The following ATP8B3 variants were observed in gnomAD, a reference collection of about 807,000 sequenced individuals.
ATP8B3 encodes the protein ATPase phospholipid transporting 8B3, also known as phospholipid-transporting ATPase IK.
A neutral mutation model predicts 140.9 loss-of-function variants in ATP8B3; 141 were observed. The observed-to-expected ratio is 1.00, with a 90% confidence interval of 0.87 to 1.15. The LOEUF (loss-of-function observed/expected upper bound fraction) is 1.15. Among genes scored for constraint, ATP8B3 ranks in the 50% most tolerant of loss-of-function variants. ATP8B3 has a pLI of 0.00. For synonymous variants in ATP8B3, 765 were observed against 714.6 expected (o/e 1.07, Z -1.13); for missense variants, 1,874 against 1,740.6 (o/e 1.08, Z -1.36).
chr19:1,810,588 C>T (rs1368965045), intron 3 of ATP8B3, 34 bp downstream of exon 3: 2 of 1,603,566 alleles, frequency 1.2e-6, no homozygotes, highest in Non-Finnish European at 1.7e-6. Context: ...TAATCCCTCC[C>T]ACCTGCACCG....
chr19:1,788,861 G>A lies in ATP8B3; in HGVS notation c.3069+36C>T, dbSNP rs2068387677. On this transcript the variant is annotated intron_variant, in intron 24 of 28. Coordinates refer to ENST00000310127, the MANE Select transcript of ATP8B3 (RefSeq NM_138813.4). ...TGGGAGGGGCAGGGCATCCCCAGAG[G>A]CCCTGGTCATGGGGCAGCCAGGGTG... 3 of 1,531,114 alleles carry A rather than the reference G, an allele frequency of 2.0e-6. No homozygotes were observed. The African/African-American group carries it at 4.1e-5, about 21-fold the overall frequency. The allele number at this position is 1,531,114 out of a possible 1,614,324, so 94.8% of individuals were successfully genotyped here. A position where few individuals can be genotyped will look rare whatever the true frequency, so the allele number is the denominator to read the frequency against.
chr19:1,807,060 T>C lies in ATP8B3; in HGVS notation c.615+108A>G, dbSNP rs2069046492. On this transcript the variant is annotated intron_variant, in intron 6 of 28. Coordinates refer to ENST00000310127, the MANE Select transcript of ATP8B3 (RefSeq NM_138813.4). The surrounding 1 kb of genome is among the most constrained non-coding windows in gnomAD (Gnocchi z 5.9). ...TGAGGCTCCCAGGCCCACGTTCCCC[T>C]AATGCTCCAGGAAGCCCAGCCCTCC... 2 of 1,019,228 alleles carry C rather than the reference T, an allele frequency of 2.0e-6. No individual in the cohort carries two copies. The highest frequency in any genetic ancestry group is 1.5e-6 in the Non-Finnish European group (1 of 663,524). 63.1% of individuals were successfully genotyped at this position (1,019,228 alleles called of 1,614,324 possible).
Position 1,782,225 on chromosome 19 carries a change from G to T in ATP8B3, c.*803C>A. 1 of 302,206 alleles carries T rather than the reference G, an allele frequency of 3.3e-6. No homozygotes were observed. The allele number at this position is 302,206 out of a possible 1,614,324, so 18.7% of individuals were successfully genotyped here. A position where few individuals can be genotyped will look rare whatever the true frequency, so the allele number is the denominator to read the frequency against. On this transcript the variant is annotated 3_prime_UTR_variant, in exon 29 of 29. Transcript: ENST00000310127. ...CCCAGGAAGGACATCTTCCTGATAT[G>T]CCAGCGTGACTCCTTTGGGCTCGAA... is the stretch of plus-strand genomic sequence containing the variant.
intron 21 of ATP8B3, 93 bp from the exon 22 acceptor site, chr19:1,790,082 C>T: frequency 3.5e-6 from 3 of 861,930 alleles, no homozygotes; most frequent in Non-Finnish European, 5.6e-6. Context: ...CCTTCCACTG[C>T]CCACTCCCCC....
At chr19:1,784,681 C>G in intron 28 of ATP8B3, 138 bp downstream of exon 28, 1 of 1,246,136 alleles carries the variant, frequency 8.0e-7, no homozygotes. Context: ...GGGCTCCGCA[C>G]CCACCCTTCC....
chr19:1,801,980 G>T lies in ATP8B3; in HGVS notation c.1128C>A (p.Leu376=), dbSNP rs1426723166. 1 of 1,612,670 alleles carries T rather than the reference G, an allele frequency of 6.2e-7. No individual in the cohort carries two copies. The highest frequency in any genetic ancestry group is 1.7e-5 in the Admixed American group (1 of 59,968). The change falls in exon 12 of 29, where the codon CTC becomes CTA. Residue 376 remains leucine (L), a synonymous_variant. Transcript: ENST00000310127. ...KIHLKRTKLD[L]LMNKLVVVIF... ...CCACAACCACCAGCTTGTTCATCAG[G>T]AGGTCCAGCTTGGTTCTCTTCAAAT...
chr19:1,796,376 G>C, intron 16 of ATP8B3, 111 bp from the exon 17 acceptor site: 1 of 1,085,108 alleles, frequency 9.2e-7, no homozygotes, highest in Non-Finnish European at 1.3e-6. Context: ...GATGGTGGCC[G>C]GGGACCCCCG....
Position 1,790,008 on chromosome 19 carries a change from A to C in ATP8B3, c.2379-19T>G. 6.9e-7 allele frequency: 1 copy of C among 1,458,142 alleles called. No individual in the cohort carries two copies. The highest frequency in any genetic ancestry group is 9.6e-7 in the Non-Finnish European group (1 of 1,040,632). 90.3% of individuals were successfully genotyped at this position (1,458,142 alleles called of 1,614,324 possible). ...GATGCGGCTGCGGGGCGCAGGGGTCAGCGGGGCAGGGGAGGGGGCGGGCTT... is the reference window on the plus strand; with the variant it reads ...GATGCGGCTGCGGGGCGCAGGGGTCCGCGGGGCAGGGGAGGGGGCGGGCTT... On this transcript the variant is annotated intron_variant, in intron 21 of 28. Coordinates refer to ENST00000310127, the MANE Select transcript of ATP8B3 (RefSeq NM_138813.4).
intron 3 of ATP8B3, among the ~76,000 whole-genome samples, chr19:1,810,216 G>T (rs977869787): frequency 6.6e-6 from 1 of 152,234 alleles, no homozygotes; most frequent in Non-Finnish European, 1.5e-5. Flanking sequence ...AAGGCCTGAC[G>T]TGCAGGTCTG....
intron 1 of ATP8B3, 131 bp downstream of exon 1, chr19:1,812,055 C>G (rs2069204845): frequency 3.4e-6 from 1 of 292,636 alleles, no homozygotes; most frequent in Non-Finnish European, 6.3e-6. Context: ...CCCGGGGCCC[C>G]GACCGCGCGA....
chr19:1,789,191 CTGTTCTGCCCCCTATCAGCCCCCCCCAT>C, intron 23 of ATP8B3, 71 bp from the exon 24 acceptor site: 1 of 939,170 alleles, frequency 1.1e-6, no homozygotes, highest in Non-Finnish European at 1.5e-6. Context: ...GACCCCCGCA[CTGTTCTGCCCCCTATCAGCCCCCCCCAT>C]CTGCTTCAGG....
In ATP8B3 at chr19:1,795,839, ACACACACAT is replaced by A. The variant is rs780796874; in HGVS notation, c.2055+27_2055+35del. On this transcript the variant is annotated intron_variant, in intron 18 of 28. Coordinates refer to ENST00000310127, the MANE Select transcript of ATP8B3 (RefSeq NM_138813.4). Reference sequence around the variant, plus strand: ...CACACACACACACACACACACACACACACACACATAAGCCAGCCTTCCTGAAGGGACTCA... The same window carrying A: ...CACACACACACACACACACACACACAAAGCCAGCCTTCCTGAAGGGACTCA... The A allele has an allele frequency of 2.2e-4, 282 of 1,306,944 alleles. 1 individual carries two copies. Among genetic ancestry groups the A allele is most frequent in the African/African-American group, 9.4e-4 (56 of 59,750 alleles). 81.0% of individuals were successfully genotyped at this position (1,306,944 alleles called of 1,614,324 possible).
At position 1,789,036 on chromosome 19, in the gene ATP8B3, A is replaced by C; in HGVS notation, c.2930T>G (p.Phe977Cys). ...NSDFVLGQFC[F>C]LQRLLLVHGR... ...GTGCACCAGCAGGAGGCGCTGCAGG[A>C]AGCAGAACTGGCCGAGCACGAAGTC... The change falls in exon 24 of 29, where the codon TTC becomes TGC. Residue 977 changes from phenylalanine to cysteine, a missense_variant. Phe to Cys is a radical substitution (Grantham distance 205). Around this residue, in one of 3 missense-constraint regions of ATP8B3, gnomAD observed 840 missense variants for 760.9 expected, o/e 1.10. Transcript: ENST00000310127. 6.2e-7 allele frequency: 1 copy of C among 1,608,634 alleles called. No homozygotes were observed. The highest frequency in any genetic ancestry group is 8.5e-7 in the Non-Finnish European group (1 of 1,178,194).
At chr19:1,797,771 AT>A (rs1478058313) in intron 14 of ATP8B3, among the ~76,000 whole-genome samples, 1 of 151,106 alleles carries the variant, frequency 6.6e-6, no homozygotes, top group Admixed American at 6.6e-5. Flanking sequence ...AAGTGCTGGG[AT>A]TACAGGCGTA....
At chr19:1,786,350 G>A (rs1676652340) in intron 25 of ATP8B3, among the ~76,000 whole-genome samples, 1 of 152,016 alleles carries the variant, frequency 6.6e-6, no homozygotes, top group South Asian at 2.1e-4. Flanking sequence ...AGGATCACCT[G>A]AGGTCAGGAG....
chr19:1,790,727 T>G, intron 21 of ATP8B3, 30 bp downstream of exon 21: 2 of 1,231,072 alleles, frequency 1.6e-6, no homozygotes, highest in East Asian at 5.0e-5. Flanking sequence ...CCCACTCCCC[T>G]TGCTCACCCC....
rs1008102963 is a variant in ATP8B3 at position 1,802,726 on chromosome 19, C to T, written c.905-81G>A. 6.7e-6 allele frequency: 10 copies of T among 1,485,544 alleles called. No homozygotes were observed. In the Admixed American group the frequency reaches 1.8e-4, roughly 27 times the overall value. 92.0% of individuals were successfully genotyped at this position (1,485,544 alleles called of 1,614,324 possible). A position where few individuals can be genotyped will look rare whatever the true frequency, so the allele number is the denominator to read the frequency against. ...TCCCTGCACCGGGTGCAGGTGAGAACATTCCGGCCACCCTCACGAGCCCCT... is the reference window on the plus strand; with the variant it reads ...TCCCTGCACCGGGTGCAGGTGAGAATATTCCGGCCACCCTCACGAGCCCCT... On this transcript the variant is annotated intron_variant, in intron 10 of 28. Transcript: ENST00000310127.
Position 1,796,057 on chromosome 19 carries a change from G to A in ATP8B3, c.1942+20C>T. On this transcript the variant is annotated intron_variant, in intron 17 of 28. Transcript: ENST00000310127. ...CCCGCCCCACCTTGGGGGGCCCAGG[G>A]CTTGGGTGGCGGGGCTCACCCAGCA... 6.2e-7 allele frequency: 1 copy of A among 1,612,238 alleles called. No individual in the cohort carries two copies. The highest frequency in any genetic ancestry group is 1.1e-5 in the South Asian group (1 of 91,070).
rs188331163 is a variant in ATP8B3, at chr19:1,792,840, G to A, written c.2056-705C>T. Reference sequence around the variant, plus strand: ...TGAGGTGGGAGGATCCCTCGAACCTGGGAGGCCGAGGTTGCAGTGAGCTGA... The same window carrying A: ...TGAGGTGGGAGGATCCCTCGAACCTAGGAGGCCGAGGTTGCAGTGAGCTGA... On this transcript the variant is annotated intron_variant, in intron 18 of 28. Coordinates refer to ENST00000310127, the MANE Select transcript of ATP8B3 (RefSeq NM_138813.4). Among the ~76,000 whole-genome samples, 1,501 of 151,618 alleles carry A rather than the reference G, an allele frequency of 9.9e-3. 29 individuals carry two copies. Among genetic ancestry groups the A allele is most frequent in the African/African-American group, 0.033 (1,385 of 41,364 alleles).
Sources: gnomAD v4.1 joint callset for allele counts (sites outside exome capture counted in the v4.1 genomes callset) on GRCh38, gnomAD v4.1.1 for gene constraint, gnomAD v4.1.1 regional missense constraint, Gnocchi (gnomAD v3.1) non-coding constraint, MANE v1.5 for transcripts, NCBI Gene and HGNC (gene_info 2026-07-23, HGNC 2026-07-21) for gene names.